Variants in ADAMTS18 observed in about 807,000 individuals in gnomAD.
ADAMTS18 encodes A disintegrin and metalloproteinase with thrombospondin motifs 18.
ADAMTS18 carries 157 observed loss-of-function variants against 165.9 expected under a neutral mutation model. The observed-to-expected ratio is 0.95, with a 90% CI of 0.83 to 1.08. The LOEUF (loss-of-function observed/expected upper bound fraction) is 1.08, where lower values mean the gene tolerates loss of function less well. ADAMTS18 is among the 50% of genes least tolerant of loss of function. The pLI is 0.00. For synonymous variants in ADAMTS18, 782 were observed against 578.2 expected (o/e 1.35, Z -5.06); for missense variants, 2,040 against 1,534.0 (o/e 1.33, Z -5.51).
chr16:77,367,312 G>A, intron 4 of ADAMTS18, 129 bp downstream of exon 4: 1 of 960,768 alleles, frequency 1.0e-6, no homozygotes, highest in Non-Finnish European at 1.6e-6. Context: ...GATAATTACT[G>A]GTCCTACACC....
At chr16:77,340,628 T>G (rs2056383945) in intron 11 of ADAMTS18, among the ~76,000 whole-genome samples, 1 of 152,178 alleles carries the variant, frequency 6.6e-6, no homozygotes. Flanking sequence ...TGGCCCAGGA[T>G]GGAGTGCAGT....
At chr16:77,370,514 C>T (rs2056861224) in intron 3 of ADAMTS18, among the ~76,000 whole-genome samples, 1 of 152,028 alleles carries the variant, frequency 6.6e-6, no homozygotes, top group African/African-American at 2.4e-5. Context: ...CTTTGGGAGG[C>T]CGAGGTGGGT....
Position 77,320,069 on chromosome 16 carries a change from G to A in ADAMTS18, c.2312C>T (p.Pro771Leu), listed in dbSNP as rs1400194605. ...ANEYYPVVLI[P>L]AGARSIEIQE... is the part of the protein sequence containing the mutation. ...GATTTCGATGCTTCGGGCGCCAGCT[G>A]GAATGAGGACCACCGGATAATATTC... The change falls in exon 16 of 23, where the codon CCA becomes CTA. Residue 771 changes from proline (P) to leucine (L), a missense_variant. Coordinates refer to ENST00000282849, the MANE Select transcript of ADAMTS18 (RefSeq NM_199355.4). 1.9e-6 allele frequency: 3 copies of A among 1,613,938 alleles called. No individual in the cohort carries two copies. The highest frequency in any genetic ancestry group is 1.7e-6 in the Non-Finnish European group (2 of 1,180,008).
chr16:77,302,894 A>T (rs995350139), intron 16 of ADAMTS18, among the ~76,000 whole-genome samples: 5 of 152,198 alleles, frequency 3.3e-5, no homozygotes, highest in Non-Finnish European at 7.3e-5. Context: ...AAATGTGTTT[A>T]AGAAAAAGAC....
chr16:77,333,316 G>A (rs1283569006), intron 12 of ADAMTS18, among the ~76,000 whole-genome samples: 1 of 152,092 alleles, frequency 6.6e-6, no homozygotes, highest in Non-Finnish European at 1.5e-5. Context: ...ATGGTGGGGA[G>A]CAAGGGGAGG....
chr16:77,414,639 A>C (rs1156835146), intron 3 of ADAMTS18, among the ~76,000 whole-genome samples: 1 of 152,192 alleles, frequency 6.6e-6, no homozygotes, highest in African/African-American at 2.4e-5. Flanking sequence ...ACATCACAAA[A>C]AAGAAATAGG....
chr16:77,426,965 G>A (rs2144859466), intron 3 of ADAMTS18, among the ~76,000 whole-genome samples: 1 of 152,270 alleles, frequency 6.6e-6, no homozygotes, highest in Non-Finnish European at 1.5e-5. Flanking sequence ...AGTGAGCCAT[G>A]ATTATACCAC....
chr16:77,334,160 A>G (rs1457650288), intron 12 of ADAMTS18, among the ~76,000 whole-genome samples: 1 of 86,490 alleles, frequency 1.2e-5, no homozygotes, highest in African/African-American at 4.7e-5. Context: ...TATAATATAC[A>G]GTGTTATATA....
At chr16:77,393,515 G>A (rs373195855) in intron 3 of ADAMTS18, among the ~76,000 whole-genome samples, 3 of 152,148 alleles carry the variant, frequency 2.0e-5, no homozygotes, top group South Asian at 2.1e-4. Context: ...TTAGGAGGTA[G>A]GATCTCCTGG....
At position 77,367,863 on chromosome 16, in the gene ADAMTS18, T is replaced by C. The variant is rs1236276600; in HGVS notation, c.496-140A>G. The C allele has an allele frequency of 6.4e-6, 6 of 944,610 alleles. No homozygotes were observed. The Admixed American group carries it at 9.6e-5, about 15-fold the overall frequency. 58.5% of individuals were successfully genotyped at this position (944,610 alleles called of 1,614,324 possible). ...CTTCACACATATTGCCTCATTTTTATCTGCACCATTACAACGAGTTGCTAT... is the reference window on the plus strand; with the variant it reads ...CTTCACACATATTGCCTCATTTTTACCTGCACCATTACAACGAGTTGCTAT... On this transcript the variant is annotated intron_variant, in intron 3 of 22. Coordinates refer to ENST00000282849, the MANE Select transcript of ADAMTS18 (RefSeq NM_199355.4).
At chr16:77,422,045 AAAT>A (rs2057609644) in intron 3 of ADAMTS18, among the ~76,000 whole-genome samples, 2 of 152,178 alleles carry the variant, frequency 1.3e-5, no homozygotes, top group South Asian at 4.1e-4. Flanking sequence ...CAACTTCCAG[AAAT>A]AATAAGCTCT....
At chr16:77,314,484 C>T (rs965920360) in intron 16 of ADAMTS18, among the ~76,000 whole-genome samples, 8 of 150,614 alleles carry the variant, frequency 5.3e-5, no homozygotes, top group Non-Finnish European at 1.0e-4. Context: ...TGGTAGTGCA[C>T]GCCTGTAATC....
At chr16:77,370,798 T>TAC (rs1255168891) in intron 3 of ADAMTS18, among the ~76,000 whole-genome samples, 1 of 151,030 alleles carries the variant, frequency 6.6e-6, no homozygotes, top group African/African-American at 2.5e-5. Context: ...ACGATATATA[T>TAC]ATATATATAC....
chr16:77,323,673 T>C (rs752640745), intron 13 of ADAMTS18, among the ~76,000 whole-genome samples: 1 of 152,084 alleles, frequency 6.6e-6, no homozygotes. Context: ...TCCACATTTA[T>C]GAAAAAGTCT....
intron 16 of ADAMTS18, among the ~76,000 whole-genome samples, chr16:77,311,910 C>G (rs1403293965): frequency 6.6e-6 from 1 of 152,120 alleles, no homozygotes. Flanking sequence ...AATAGCCAGG[C>G]AAACATGACC....
intron 3 of ADAMTS18, among the ~76,000 whole-genome samples, chr16:77,382,727 G>A (rs1349987699): frequency 6.6e-6 from 1 of 152,184 alleles, no homozygotes; most frequent in Non-Finnish European, 1.5e-5. Flanking sequence ...GGCTGTTGGT[G>A]AACTGTGAAT....
chr16:77,382,463 G>A (rs1182320531), intron 3 of ADAMTS18, among the ~76,000 whole-genome samples: 1 of 152,150 alleles, frequency 6.6e-6, no homozygotes, highest in African/African-American at 2.4e-5. Context: ...GCCCCTCTCG[G>A]CCTCCCAAAG....
chr16:77,399,638 T>C (rs575272380), intron 3 of ADAMTS18, among the ~76,000 whole-genome samples: 1 of 152,356 alleles, frequency 6.6e-6, no homozygotes, highest in South Asian at 2.1e-4. Flanking sequence ...AAGAAAACAC[T>C]ATACACTTCA....
At chr16:77,401,873 G>A (rs894699727) in intron 3 of ADAMTS18, among the ~76,000 whole-genome samples, 1 of 152,170 alleles carries the variant, frequency 6.6e-6, no homozygotes, top group African/African-American at 2.4e-5. Flanking sequence ...CACACTCCAG[G>A]TTCTTGGACT....
Sources: gnomAD v4.1 joint callset for allele counts (sites outside exome capture counted in the v4.1 genomes callset) on GRCh38, gnomAD v4.1.1 for gene constraint, MANE v1.5 for transcripts, NCBI Gene and HGNC (gene_info 2026-07-23, HGNC 2026-07-21) for gene names.